The following CADM2 variants were observed in gnomAD, a reference collection of about 807,000 sequenced individuals.
The protein encoded by CADM2 is cell adhesion molecule 2.
CADM2 carries 12 observed loss-of-function variants against 49.8 expected under a neutral mutation model. That is an observed-to-expected ratio of 0.24 (90% CI 0.15 to 0.39). The LOEUF (loss-of-function observed/expected upper bound fraction) is 0.39. CADM2 is among the 10% of genes least tolerant of loss of function. The probability of loss-of-function intolerance (pLI) is 1.00; values close to 1 mark genes in which losing one functional copy is unlikely to be tolerated. For missense variants in CADM2, 378 were observed against 492.3 expected (o/e 0.77, Z 2.20); for synonymous variants, 214 against 175.4 (o/e 1.22, Z -1.74).
chr3:85,488,098 C>G (rs1218924330), intron 1 of CADM2, among the ~76,000 whole-genome samples: 1 of 152,086 alleles, frequency 6.6e-6, no homozygotes, highest in Non-Finnish European at 1.5e-5. Flanking sequence ...AGAATTTTAT[C>G]TCAAAGTAAT....
intron 1 of CADM2, among the ~76,000 whole-genome samples, chr3:85,098,065 A>G (rs2037870511): frequency 6.6e-6 from 1 of 152,170 alleles, no homozygotes; most frequent in Non-Finnish European, 1.5e-5. Context: ...TTCCTAGGCT[A>G]TAAGGATTGA....
intron 1 of CADM2, among the ~76,000 whole-genome samples, chr3:85,443,228 C>T (rs559621735): frequency 6.6e-6 from 1 of 151,958 alleles, no homozygotes; most frequent in Non-Finnish European, 1.5e-5. Context: ...GAATTGTTAA[C>T]CAAATTTAAA....
intron 1 of CADM2, among the ~76,000 whole-genome samples, chr3:85,462,271 A>C (rs1467238760): frequency 6.6e-6 from 1 of 152,160 alleles, no homozygotes; most frequent in African/African-American, 2.4e-5. Context: ...AATTAGCCTC[A>C]TGTGAATTTA....
chr3:86,029,834 T>C (rs1734345622), intron 8 of CADM2, among the ~76,000 whole-genome samples: 1 of 151,832 alleles, frequency 6.6e-6, no homozygotes, highest in African/African-American at 2.4e-5. Context: ...GTTATATGAG[T>C]CATCAAAATT....
chr3:85,262,579 T>C (rs900370526), intron 1 of CADM2, among the ~76,000 whole-genome samples: 5 of 152,288 alleles, frequency 3.3e-5, no homozygotes, highest in African/African-American at 1.2e-4. Flanking sequence ...ATAAAGGCTC[T>C]AAATTTATCT....
intron 1 of CADM2, among the ~76,000 whole-genome samples, chr3:85,152,122 A>G (rs1293333684): frequency 6.6e-6 from 1 of 152,108 alleles, no homozygotes; most frequent in Non-Finnish European, 1.5e-5. Context: ...GAGACTACCC[A>G]GGGACCATTT....
chr3:85,277,559 TTAAG>T (rs1210467302), intron 1 of CADM2, among the ~76,000 whole-genome samples: 6 of 151,500 alleles, frequency 4.0e-5, no homozygotes, highest in African/African-American at 1.4e-4. Flanking sequence ...TCCTGAAACT[TTAAG>T]TAAAAATTCT....
chr3:85,925,263 C>T (rs1383521091), intron 6 of CADM2, among the ~76,000 whole-genome samples: 3 of 151,976 alleles, frequency 2.0e-5, no homozygotes, highest in Non-Finnish European at 2.9e-5. Context: ...TACTATATTC[C>T]GATGGGTTGC....
At chr3:85,256,291 A>C (rs974525710) in intron 1 of CADM2, among the ~76,000 whole-genome samples, 1 of 152,066 alleles carries the variant, frequency 6.6e-6, no homozygotes, top group Non-Finnish European at 1.5e-5. Context: ...TCATAGTAGC[A>C]TCTCCCAACA....
At chr3:85,509,371 T>A (rs1291603655) in intron 1 of CADM2, among the ~76,000 whole-genome samples, 1 of 152,136 alleles carries the variant, frequency 6.6e-6, no homozygotes, top group African/African-American at 2.4e-5. Flanking sequence ...CCTTATGGTA[T>A]CACTATCACG....
chr3:85,939,134 T>C (rs1485156276), intron 7 of CADM2, among the ~76,000 whole-genome samples: 1 of 151,992 alleles, frequency 6.6e-6, no homozygotes, highest in Non-Finnish European at 1.5e-5. Context: ...GTTCTAAATG[T>C]GAGGGCCCCA....
At chr3:85,805,517 T>C (rs1269172421) in intron 3 of CADM2, 1 of 152,206 alleles carries the variant, frequency 6.6e-6, no homozygotes, top group Admixed American at 6.5e-5. Context: ...TCGTCCTCAC[T>C]ATCTGTTCCC....
At chr3:85,849,314 T>G (rs923238290) in intron 3 of CADM2, among the ~76,000 whole-genome samples, 5 of 152,258 alleles carry the variant, frequency 3.3e-5, no homozygotes, top group Admixed American at 3.3e-4. Context: ...AACCTCATGA[T>G]GTTCTCCATT....
intron 1 of CADM2, among the ~76,000 whole-genome samples, chr3:85,519,928 A>C (rs1210496483): frequency 1.3e-5 from 2 of 151,952 alleles, no homozygotes; most frequent in Admixed American, 1.3e-4. Context: ...GAAAGATTCC[A>C]CTCCACTGAG....
intron 1 of CADM2, among the ~76,000 whole-genome samples, chr3:85,545,848 G>C (rs2107079775): frequency 6.6e-6 from 1 of 152,218 alleles, no homozygotes; most frequent in Middle Eastern, 3.4e-3. Context: ...GGATGAAGAA[G>C]AACCAGAACT....
At position 86,072,468 on chromosome 3, in the gene CADM2, A is replaced by G. The variant is rs540174664; in HGVS notation, c.*5685A>G. 6.6e-6 allele frequency: 1 copy of G among 152,188 alleles called. No individual in the cohort carries two copies. The highest frequency in any genetic ancestry group is 1.9e-4 in the East Asian group (1 of 5,182). The allele number at this position is 152,188 out of a possible 1,614,324, so 9.4% of individuals were successfully genotyped here. ...GAAATATACTGTATATTTCAAAAGAAGAAAAGTTAAAAGATATTTGAAGAT... is the reference window on the plus strand; with the variant it reads ...GAAATATACTGTATATTTCAAAAGAGGAAAAGTTAAAAGATATTTGAAGAT... On this transcript the variant is annotated 3_prime_UTR_variant, in exon 10 of 10. Transcript: ENST00000383699.
intron 1 of CADM2, among the ~76,000 whole-genome samples, chr3:85,641,264 A>T (rs1247004940): frequency 6.6e-6 from 1 of 152,214 alleles, no homozygotes. Context: ...TAGTAATAGA[A>T]AATATTTTTC....
At chr3:85,259,378 G>C (rs1368456175) in intron 1 of CADM2, among the ~76,000 whole-genome samples, 1 of 147,822 alleles carries the variant, frequency 6.8e-6, no homozygotes, top group Non-Finnish European at 1.5e-5. Flanking sequence ...AATCATTTCT[G>C]ATGATCAAAT....
At chr3:85,071,441 A>T (rs1199524544) in intron 1 of CADM2, among the ~76,000 whole-genome samples, 1 of 150,660 alleles carries the variant, frequency 6.6e-6, no homozygotes. Flanking sequence ...CTCAGGATAA[A>T]GGGATGGAAA....
Sources: gnomAD v4.1 joint callset for allele counts (sites outside exome capture counted in the v4.1 genomes callset) on GRCh38, gnomAD v4.1.1 for gene constraint, MANE v1.5 for transcripts, NCBI Gene and HGNC (gene_info 2026-07-23, HGNC 2026-07-21) for gene names.